The following TACR1 variants were observed in gnomAD, a reference collection of about 807,000 sequenced individuals.
The protein encoded by TACR1 is substance-P receptor.
TACR1 carries 25 observed loss-of-function variants against 35.8 expected under a neutral mutation model. The observed-to-expected ratio is 0.70, with a 90% CI of 0.51 to 0.98. TACR1 has a LOEUF of 0.98. TACR1 is among the 50% of genes least tolerant of loss of function. The pLI is 0.00. For missense variants in TACR1, 478 were observed against 522.9 expected (o/e 0.91, Z 0.84); for synonymous variants, 195 against 206.7 (o/e 0.94, Z 0.48).
At chr2:75,196,074 C>T (rs1675964444) in intron 1 of TACR1, among the ~76,000 whole-genome samples, 1 of 152,180 alleles carries the variant, frequency 6.6e-6, no homozygotes, top group Admixed American at 6.5e-5. Context: ...TTTAATTTTA[C>T]AATCAGGAAA....
chr2:75,196,174 C>G (rs13388555), intron 1 of TACR1, among the ~76,000 whole-genome samples: 9,365 of 152,288 alleles, frequency 0.061, 332 homozygotes, highest in Non-Finnish European at 0.081. Flanking sequence ...AATATTTCCT[C>G]TAAGTCTGCA....
chr2:75,175,251 G>C (rs1675384759), intron 1 of TACR1, among the ~76,000 whole-genome samples: 2 of 152,140 alleles, frequency 1.3e-5, no homozygotes, highest in South Asian at 4.1e-4. Context: ...TGCAGTGAGT[G>C]GTATTGGTCC....
At chr2:75,159,171 T>C (rs950445863) in intron 1 of TACR1, among the ~76,000 whole-genome samples, 1 of 152,160 alleles carries the variant, frequency 6.6e-6, no homozygotes, top group East Asian at 1.9e-4. Context: ...TAATTTTAGG[T>C]CTGTAAAGGT....
intron 1 of TACR1, among the ~76,000 whole-genome samples, chr2:75,150,006 T>G (rs1674636166): frequency 6.6e-6 from 1 of 152,206 alleles, no homozygotes; most frequent in South Asian, 2.1e-4. Flanking sequence ...AATCATGAGT[T>G]TTTGTCACTG....
At chr2:75,153,346 C>T (rs1674716790) in intron 1 of TACR1, among the ~76,000 whole-genome samples, 1 of 152,184 alleles carries the variant, frequency 6.6e-6, no homozygotes, top group Non-Finnish European at 1.5e-5. Flanking sequence ...GGCATCCAAG[C>T]CTCAGTGGGA....
chr2:75,120,883 T>G (rs1673956759), intron 1 of TACR1, 115 bp from the exon 2 acceptor site: 3 of 851,000 alleles, frequency 3.5e-6, no homozygotes, highest in Non-Finnish European at 5.3e-6. Flanking sequence ...TTCCTGATGA[T>G]TTGTACAATT....
At chr2:75,057,879 C>A (rs1029733120) in intron 2 of TACR1, among the ~76,000 whole-genome samples, 4 of 152,236 alleles carry the variant, frequency 2.6e-5, no homozygotes, top group Middle Eastern at 6.8e-3. Context: ...TATAAAATGG[C>A]AAATTTTGTT....
chr2:75,068,645 C>T (rs1672815881), intron 2 of TACR1, among the ~76,000 whole-genome samples: 2 of 152,208 alleles, frequency 1.3e-5, no homozygotes, highest in African/African-American at 4.8e-5. Context: ...GTTCTCCCAA[C>T]AGCAATCTCT....
chr2:75,069,116 A>C (rs1208175435), intron 2 of TACR1, among the ~76,000 whole-genome samples: 1 of 152,096 alleles, frequency 6.6e-6, no homozygotes, highest in Non-Finnish European at 1.5e-5. Context: ...GTTCCCCTGC[A>C]CCAGCTCTCT....
intron 3 of TACR1, among the ~76,000 whole-genome samples, chr2:75,052,292 A>G (rs939360454): frequency 1.3e-5 from 2 of 152,178 alleles, no homozygotes; most frequent in African/African-American, 4.8e-5. Context: ...AGTGCCATCC[A>G]TGAACCAGGA....
intron 2 of TACR1, among the ~76,000 whole-genome samples, chr2:75,066,509 T>C (rs1313759705): frequency 6.6e-6 from 1 of 152,212 alleles, no homozygotes; most frequent in Non-Finnish European, 1.5e-5. Context: ...TTGTGTAGCT[T>C]AAAAAAGCAG....
Position 75,049,471 on chromosome 2 carries a change from C to A in TACR1, c.1185G>T (p.Met395Ile). The change falls in exon 5 of 5, where the codon ATG becomes ATT. Residue 395 changes from methionine (M) to isoleucine (I), a missense_variant. Physicochemically the swap from Met to Ile is conservative, Grantham distance 10 (BLOSUM62 1). Coordinates refer to ENST00000305249, the MANE Select transcript of TACR1 (RefSeq NM_001058.4). ...TGGAGGAGAAGCTGAAGCTCTCTGT[C>A]ATGGTCTTGGAGTCACTTCGTGAAG... ...NCSSRSDSKT[M>I]TESFSFSSNV... 1 of 1,614,180 alleles carries A rather than the reference C, an allele frequency of 6.2e-7. No homozygotes were observed. The highest frequency in any genetic ancestry group is 8.5e-7 in the Non-Finnish European group (1 of 1,180,008).
chr2:75,182,013 G>C (rs552804459), intron 1 of TACR1, among the ~76,000 whole-genome samples: 6 of 152,286 alleles, frequency 3.9e-5, no homozygotes, highest in African/African-American at 1.4e-4. Flanking sequence ...CTGGTCTGTG[G>C]ATCAGTGATG....
chr2:75,142,120 G>A (rs1249100563), intron 1 of TACR1, among the ~76,000 whole-genome samples: 2 of 152,218 alleles, frequency 1.3e-5, no homozygotes, highest in Non-Finnish European at 2.9e-5. Flanking sequence ...ACCAACTGGA[G>A]GGGAGGCAGT....
At chr2:75,084,919 C>T (rs1370067754) in intron 2 of TACR1, among the ~76,000 whole-genome samples, 1 of 152,112 alleles carries the variant, frequency 6.6e-6, no homozygotes, top group African/African-American at 2.4e-5. Flanking sequence ...TTTTATGTCT[C>T]TATCTCCTTC....
intron 1 of TACR1, among the ~76,000 whole-genome samples, chr2:75,126,365 A>G (rs1001483826): frequency 1.3e-5 from 2 of 152,154 alleles, no homozygotes; most frequent in African/African-American, 4.8e-5. Context: ...TGTCTTTGCT[A>G]TTGTGAATAG....
chr2:75,059,766 A>G (rs887760386), intron 2 of TACR1, among the ~76,000 whole-genome samples: 5 of 152,186 alleles, frequency 3.3e-5, no homozygotes, highest in Non-Finnish European at 7.3e-5. Context: ...CTTTGCATTG[A>G]GGGCTTTTGA....
intron 1 of TACR1, among the ~76,000 whole-genome samples, chr2:75,153,777 G>A (rs543347966): frequency 6.6e-6 from 1 of 152,274 alleles, no homozygotes; most frequent in South Asian, 2.1e-4. Flanking sequence ...GATGCAAAAG[G>A]GAGGAGGTGG....
intron 1 of TACR1, among the ~76,000 whole-genome samples, chr2:75,159,440 G>T (rs1674946742): frequency 6.6e-6 from 1 of 152,074 alleles, no homozygotes; most frequent in Non-Finnish European, 1.5e-5. Flanking sequence ...AAAACAAAGA[G>T]AAACTAGTTT....
Sources: gnomAD v4.1 joint callset for allele counts (sites outside exome capture counted in the v4.1 genomes callset) on GRCh38, gnomAD v4.1.1 for gene constraint, MANE v1.5 for transcripts, NCBI Gene and HGNC (gene_info 2026-07-23, HGNC 2026-07-21) for gene names.